The following FGD3 variants were observed in gnomAD, a reference collection of about 807,000 sequenced individuals.
FGD3 encodes the protein FYVE, RhoGEF and PH domain containing 3.
Under a neutral mutation model 71.8 loss-of-function variants are expected in FGD3, and 45 were observed. That is an observed-to-expected ratio of 0.63 (90% CI 0.49 to 0.80). The LOEUF (loss-of-function observed/expected upper bound fraction) is 0.80, where lower values mean the gene tolerates loss of function less well. Among genes scored for constraint, FGD3 ranks in the 30% least tolerant of loss-of-function variants. The pLI is 0.00. For synonymous variants in FGD3, 378 were observed against 392.8 expected, an observed-to-expected ratio of 0.96 and a Z score of 0.44; for missense variants, 844 against 951.5, an observed-to-expected ratio of 0.89 and a Z score of 1.49.
intron 1 of FGD3, among the ~76,000 whole-genome samples, chr9:92,957,050 T>C (rs1859067145): frequency 6.6e-6 from 1 of 152,202 alleles, no homozygotes; most frequent in African/African-American, 2.4e-5. Context: ...TGCTGGATCC[T>C]GTTCCATCCA....
At chr9:93,012,800 G>A (rs556845685) in intron 8 of FGD3, among the ~76,000 whole-genome samples, 101 of 152,214 alleles carry the variant, frequency 6.6e-4, no homozygotes, top group African/African-American at 2.4e-3. Context: ...CACTAAAGCT[G>A]CATTAGTCCC....
chr9:92,962,939 C>CAAAAAA (rs982916623), intron 1 of FGD3, among the ~76,000 whole-genome samples: 5 of 105,942 alleles, frequency 4.7e-5, no homozygotes, highest in African/African-American at 6.5e-5. Flanking sequence ...GGCTCCGTCT[C>CAAAAAA]AAAAAAAAAA....
intron 1 of FGD3, among the ~76,000 whole-genome samples, chr9:92,974,035 A>G (rs1409859490): frequency 2.6e-5 from 4 of 152,222 alleles, no homozygotes. Flanking sequence ...CCCGTCTCTC[A>G]GGGACCACAG....
chr9:93,009,992 G>A (rs751623790), intron 6 of FGD3, among the ~76,000 whole-genome samples: 11 of 152,244 alleles, frequency 7.2e-5, no homozygotes, highest in African/African-American at 1.9e-4. Flanking sequence ...CACCGAGGAT[G>A]CGTATAAGAG....
intron 1 of FGD3, among the ~76,000 whole-genome samples, chr9:92,964,880 T>C (rs1417982233): frequency 1.3e-5 from 2 of 152,138 alleles, no homozygotes. Flanking sequence ...GTCCCAGACG[T>C]GTCCTGGGGG....
intron 3 of FGD3, 76 bp from the exon 4 acceptor site, chr9:93,002,849 C>A: frequency 6.8e-7 from 1 of 1,465,704 alleles, no homozygotes; most frequent in Non-Finnish European, 9.5e-7. Context: ...TTCTCCTGCA[C>A]ACAGTGGCAG....
At chr9:93,021,060 G>C (rs549076446) in intron 13 of FGD3, among the ~76,000 whole-genome samples, 1 of 152,232 alleles carries the variant, frequency 6.6e-6, no homozygotes, top group Non-Finnish European at 1.5e-5. Flanking sequence ...GCTCTGTGAC[G>C]TCCCCAGGCC....
Position 93,018,139 on chromosome 9 carries a change from C to A in FGD3, c.1279C>A (p.Gln427Lys), listed in dbSNP as rs752563826. Residue 427 changes from glutamine (Q) to lysine (K), a missense_variant, in exon 11 of 18, where the codon CAG (glutamine) becomes AAG (lysine). Gln to Lys is a moderately conservative substitution (Grantham distance 53). Transcript: ENST00000375482. ...EKMDISGLQV[Q>K]DIVKPNTAHT... ...TTCTTTGTTCTTGCCCCTTCAGGTGCAGGATATCGTCAAGCCAAACACAGC... is the reference window on the plus strand; with the variant it reads ...TTCTTTGTTCTTGCCCCTTCAGGTGAAGGATATCGTCAAGCCAAACACAGC... 1 of 1,613,984 alleles carries A rather than the reference C, an allele frequency of 6.2e-7. No individual in the cohort carries two copies. Among genetic ancestry groups the A allele is most frequent in the Non-Finnish European group, 8.5e-7 (1 of 1,179,940 alleles).
chr9:92,960,772 C>A (rs1208442653), intron 1 of FGD3, among the ~76,000 whole-genome samples: 3 of 152,148 alleles, frequency 2.0e-5, no homozygotes, highest in Non-Finnish European at 4.4e-5. Context: ...CCTAGGCCAG[C>A]TGAGAGAAAT....
intron 14 of FGD3, among the ~76,000 whole-genome samples, chr9:93,024,456 C>T (rs1862046422): frequency 6.6e-6 from 1 of 152,262 alleles, no homozygotes. Context: ...ATGAACTTGG[C>T]TGGCCTCTGC....
chr9:92,973,170 A>G (rs1859600928), intron 1 of FGD3, among the ~76,000 whole-genome samples: 2 of 126,506 alleles, frequency 1.6e-5, no homozygotes, highest in South Asian at 2.4e-4. Flanking sequence ...GCTGGAGTGC[A>G]GTTGTGCAAT....
At chr9:93,006,738 T>A (rs545725727) in intron 6 of FGD3, among the ~76,000 whole-genome samples, 33 of 152,148 alleles carry the variant, frequency 2.2e-4, no homozygotes, top group African/African-American at 5.8e-4. Flanking sequence ...ATTTTATTTT[T>A]TTTTTTGAGA....
In FGD3 at chr9:93,004,149, C is replaced by A. The variant is rs76713473; in HGVS notation, c.680+12C>A. ...ATCACGGAGGAGTGGTGAGTACCAT[C>A]TGCGCATGCCCATGGGGCCCCTCAA... On this transcript the variant is annotated intron_variant, in intron 5 of 17. Coordinates refer to ENST00000375482, the MANE Select transcript of FGD3 (RefSeq NM_001083536.2). 6.2e-7 allele frequency: 1 copy of A among 1,612,974 alleles called. No individual in the cohort carries two copies. Among genetic ancestry groups the A allele is most frequent in the Non-Finnish European group, 8.5e-7 (1 of 1,179,972 alleles).
chr9:92,978,532 T>C (rs918930979), intron 3 of FGD3, among the ~76,000 whole-genome samples: 3 of 151,750 alleles, frequency 2.0e-5, no homozygotes, highest in Non-Finnish European at 4.4e-5. Context: ...TCTGGCCAGT[T>C]TGCAGAGGCT....
intron 3 of FGD3, among the ~76,000 whole-genome samples, chr9:92,984,109 C>T (rs992439975): frequency 6.6e-6 from 1 of 152,238 alleles, no homozygotes; most frequent in Admixed American, 6.5e-5. Context: ...GGGGATACAG[C>T]TAGCTCTGTA....
chr9:92,994,333 ATTTG>A lies in FGD3; in HGVS notation c.454-8588_454-8585del, dbSNP rs577641186. The stretch of plus-strand genomic sequence containing the variant: ...GGGTTGTTTGATTTTTTTCTTGTAA[ATTTG>A]TTTAAGTTCATTGTAGATTCTGGAT... On this transcript the variant is annotated intron_variant, in intron 3 of 17. Transcript: ENST00000375482. 4.5e-3 allele frequency among the ~76,000 whole-genome samples: 677 copies of A among 152,070 alleles called. 4 individuals carry two copies. Among genetic ancestry groups the A allele is most frequent in the Non-Finnish European group, 6.4e-3 (438 of 67,992 alleles).
intron 3 of FGD3, among the ~76,000 whole-genome samples, chr9:92,977,215 G>A (rs1859794983): frequency 6.6e-6 from 1 of 152,216 alleles, no homozygotes; most frequent in Non-Finnish European, 1.5e-5. Flanking sequence ...GGCAGGACCT[G>A]TGAGGCCCGC....
chr9:92,981,096 T>C (rs921370525), intron 3 of FGD3, among the ~76,000 whole-genome samples: 1 of 151,426 alleles, frequency 6.6e-6, no homozygotes, highest in Non-Finnish European at 1.5e-5. Flanking sequence ...GGGCCAGGCA[T>C]GGTGGCTCAC....
chr9:93,012,653 C>T (rs1250084688), intron 8 of FGD3, among the ~76,000 whole-genome samples: 2 of 139,668 alleles, frequency 1.4e-5, no homozygotes, highest in African/African-American at 5.6e-5. Context: ...GGTGTGGTGG[C>T]TCACACCTGT....
Sources: allele counts gnomAD v4.1 joint callset (sites outside exome capture counted in the v4.1 genomes callset), GRCh38; gene constraint gnomAD v4.1.1; transcripts MANE v1.5; gene names NCBI Gene and HGNC (gene_info 2026-07-23, HGNC 2026-07-21).